The following TAMM41 variants were observed in gnomAD, a reference collection of about 807,000 sequenced individuals.
The protein encoded by TAMM41 is phosphatidate cytidylyltransferase, mitochondrial.
A neutral mutation model predicts 44.1 loss-of-function variants in TAMM41; 36 were observed. The ratio of observed to expected loss-of-function variants is 0.82; its 90% confidence interval spans 0.63 to 1.08. The LOEUF is 1.08. Ranked by LOEUF, TAMM41 falls within the 50% of genes least tolerant of loss-of-function variation. The pLI is 0.00. For missense variants in TAMM41, 417 were observed against 404.3 expected, an observed-to-expected ratio of 1.03 and a Z score of -0.27; for synonymous variants, 164 against 153.1, an observed-to-expected ratio of 1.07 and a Z score of -0.53.
downstream of TAMM41, among the ~76,000 whole-genome samples, chr3:11,787,630 C>T (rs1348303649): frequency 6.6e-6 from 1 of 152,144 alleles, no homozygotes; most frequent in Non-Finnish European, 1.5e-5. Flanking sequence ...AACTGGATAG[C>T]AGAGATACTA....
chr3:11,792,979 T>C (rs2077515299), intron 7 of TAMM41, among the ~76,000 whole-genome samples: 1 of 145,370 alleles, frequency 6.9e-6, no homozygotes, highest in Non-Finnish European at 1.5e-5. Context: ...GGGAATCGCT[T>C]GAGCCCGGGA....
At chr3:11,798,765 G>A (rs1377986627) in intron 7 of TAMM41, among the ~76,000 whole-genome samples, 1 of 152,156 alleles carries the variant, frequency 6.6e-6, no homozygotes, top group Non-Finnish European at 1.5e-5. Flanking sequence ...GTCACTGTTA[G>A]TTTACTCCAG....
chr3:11,741,534 T>A, the TAMM41 span, among the ~76,000 whole-genome samples: 1 of 150,028 alleles, frequency 6.7e-6, no homozygotes, highest in South Asian at 2.1e-4. Flanking sequence ...TCAGAACACA[T>A]TTCTCTTCAT....
intron 7 of TAMM41, among the ~76,000 whole-genome samples, chr3:11,805,730 T>A (rs143473572): frequency 0.014 from 2,193 of 152,332 alleles, 62 homozygotes; most frequent in African/African-American, 0.05. Flanking sequence ...GGTTGAAAGA[T>A]CACTCCCCTT....
the TAMM41 span, among the ~76,000 whole-genome samples, chr3:11,733,052 G>A: frequency 1.4e-5 from 2 of 147,398 alleles, no homozygotes; most frequent in African/African-American, 5.1e-5. Context: ...AGGCTGGAGT[G>A]CAGTGGTACG....
rs57144654 is a variant in TAMM41, at chr3:11,813,729, G to A, written c.708+3463C>T. 4.8e-3 allele frequency among the ~76,000 whole-genome samples: 722 copies of A among 151,770 alleles called. 3 individuals are homozygous for A. The highest frequency in any genetic ancestry group is 0.016 in the African/African-American group (655 of 41,374). ...TTTGGGAGGCCAAGGCAGGAGGATC[G>A]CTTGAGCCCAGGAGTTCGAGACCAG... On this transcript the variant is annotated intron_variant, in intron 5 of 7. Transcript: ENST00000455809.
At chr3:11,773,082 G>A in the TAMM41 span, among the ~76,000 whole-genome samples, 2 of 151,892 alleles carry the variant, frequency 1.3e-5, no homozygotes, top group Non-Finnish European at 2.9e-5. Flanking sequence ...TCATCCTCCC[G>A]AGTAGCTGGG....
intron 4 of TAMM41, among the ~76,000 whole-genome samples, chr3:11,829,156 A>G (rs2078880055): frequency 6.6e-6 from 1 of 152,202 alleles, no homozygotes; most frequent in East Asian, 1.9e-4. Flanking sequence ...GTATGTTTAC[A>G]CATACAGAGA....
the TAMM41 span, among the ~76,000 whole-genome samples, chr3:11,781,846 A>G: frequency 6.6e-6 from 1 of 152,066 alleles, no homozygotes; most frequent in Non-Finnish European, 1.5e-5. Flanking sequence ...CTTGGAAGTC[A>G]CAGCCTGCCT....
intron 3 of TAMM41, chr3:11,832,967 T>C: frequency 9.9e-7 from 1 of 1,011,474 alleles, no homozygotes; most frequent in Non-Finnish European, 1.2e-6. Context: ...TGTTTGCTAT[T>C]TAAGATTAAG....
At position 11,842,619 on chromosome 3, in the gene TAMM41, G is replaced by A. The variant is rs532115729; in HGVS notation, c.318+1410C>T. The stretch of plus-strand genomic sequence containing the variant: ...TGAGACAGGTAGATGGCTTGAGCCC[G>A]GGAGGCAGAGATTGCAATGAGCGGA... On this transcript the variant is annotated intron_variant, in intron 2 of 7. Transcript: ENST00000455809. Among the ~76,000 whole-genome samples the A allele has an allele frequency of 1.1e-4, 16 of 152,148 alleles. No individual in the cohort carries two copies. The East Asian group carries it at 1.4e-3, about 13-fold the overall frequency.
In TAMM41 at chr3:11,844,100, T is replaced by C. The variant is rs775779086; in HGVS notation, c.247A>G (p.Ile83Val). 2 of 1,614,226 alleles carry C rather than the reference T, an allele frequency of 1.2e-6. No individual in the cohort carries two copies. Among genetic ancestry groups the C allele is most frequent in the Admixed American group, 3.3e-5 (2 of 60,028 alleles). Residue 83 changes from isoleucine to valine, a missense_variant, in exon 2 of 8, where the codon ATT (isoleucine) becomes GTT (valine). Coordinates refer to ENST00000455809, the MANE Select transcript of TAMM41 (RefSeq NM_001284401.2). ...YSFLKVLGPK[I>V]ITSIQNNYGA... ...TAGTTATTCTGGATGGACGTGATAA[T>C]CTTGGGCCCTAAAACTTTTAGGAAA...
At chr3:11,829,371 T>C (rs2078888198) in intron 4 of TAMM41, among the ~76,000 whole-genome samples, 1 of 152,118 alleles carries the variant, frequency 6.6e-6, no homozygotes. Flanking sequence ...ACAGAAACAA[T>C]GAGAAAACAA....
intron 7 of TAMM41, among the ~76,000 whole-genome samples, chr3:11,792,305 C>T (rs1381392351): frequency 6.6e-6 from 1 of 152,074 alleles, no homozygotes; most frequent in Non-Finnish European, 1.5e-5. Flanking sequence ...GCACTAGAAT[C>T]GGAGTCAAGA....
chr3:11,727,554 G>T, the TAMM41 span, among the ~76,000 whole-genome samples: 2 of 152,024 alleles, frequency 1.3e-5, no homozygotes, highest in African/African-American at 2.4e-5. Flanking sequence ...AGCCTCCACC[G>T]CCAGGGCTTC....
the TAMM41 span, among the ~76,000 whole-genome samples, chr3:11,758,680 G>T: frequency 6.3e-4 from 94 of 149,572 alleles, no homozygotes; most frequent in African/African-American, 2.2e-3. Context: ...TTTTAATTCT[G>T]TTTTTGTTTT....
At chr3:11,726,811 A>G in the TAMM41 span, among the ~76,000 whole-genome samples, 1 of 151,732 alleles carries the variant, frequency 6.6e-6, no homozygotes, top group East Asian at 1.9e-4. Context: ...AAAAAAAAAA[A>G]AAAAAAAGAA....
At chr3:11,759,975 A>C in the TAMM41 span, among the ~76,000 whole-genome samples, 1 of 16,718 alleles carries the variant, frequency 6.0e-5, no homozygotes. Flanking sequence ...ACTCCATCTC[A>C]AAAAAAAAGA....
chr3:11,772,323 C>T, the TAMM41 span, among the ~76,000 whole-genome samples: 5 of 150,946 alleles, frequency 3.3e-5, no homozygotes, highest in Non-Finnish European at 5.9e-5. Context: ...CCTCGTGATC[C>T]GCCCTCCTTG....
Sources: allele counts gnomAD v4.1 joint callset (sites outside exome capture counted in the v4.1 genomes callset), GRCh38; gene constraint gnomAD v4.1.1; transcripts MANE v1.5; gene names NCBI Gene and HGNC (gene_info 2026-07-23, HGNC 2026-07-21).